The following CLUL1 variants were observed in gnomAD, a reference collection of about 807,000 sequenced individuals.
CLUL1 encodes the protein clusterin-like protein 1.
In CLUL1, 43 loss-of-function variants were observed where a neutral mutation model predicts 49.4. The observed-to-expected ratio is 0.87, with a 90% CI of 0.68 to 1.12. The LOEUF (loss-of-function observed/expected upper bound fraction) is 1.12, where lower values mean the gene tolerates loss of function less well. Among genes scored for constraint, CLUL1 ranks in the 50% most tolerant of loss-of-function variants. The probability of loss-of-function intolerance (pLI) is 0.00; values close to 1 mark genes in which losing one functional copy is unlikely to be tolerated. For synonymous variants in CLUL1, 192 were observed against 184.9 expected (o/e 1.04, Z -0.31); for missense variants, 486 against 544.4 (o/e 0.89, Z 1.07).
At chr18:635,798 G>A (rs1369487283) in intron 7 of CLUL1, among the ~76,000 whole-genome samples, 2 of 152,056 alleles carry the variant, frequency 1.3e-5, no homozygotes, top group African/African-American at 4.8e-5. Flanking sequence ...GTGCAGTGGC[G>A]CGATCTTCGC....
intron 2 of CLUL1, chr18:616,559 C>T: frequency 6.0e-6 from 1 of 165,368 alleles, no homozygotes; most frequent in Non-Finnish European, 1.2e-5. Context: ...ACAGCCTGCC[C>T]TCTAGTGTTT....
chr18:633,820 TGTAATCGGAATGAATCAGGGC>T (rs2074060503), intron 7 of CLUL1, among the ~76,000 whole-genome samples: 1 of 31,472 alleles, frequency 3.2e-5, no homozygotes, highest in Non-Finnish European at 7.9e-5. Flanking sequence ...GGGCGGAGCG[TGTAATCGGAATGAATCAGGGC>T]GGAGCGTGTA....
intron 6 of CLUL1, among the ~76,000 whole-genome samples, chr18:629,618 C>A (rs952389816): frequency 5.9e-5 from 9 of 152,216 alleles, no homozygotes; most frequent in African/African-American, 2.2e-4. Flanking sequence ...CACACGCACC[C>A]TCCCCAGCCC....
chr18:604,385 A>G (rs1249438464), intron 1 of CLUL1, among the ~76,000 whole-genome samples: 1 of 152,240 alleles, frequency 6.6e-6, no homozygotes, highest in Non-Finnish European at 1.5e-5. Context: ...TTCATATACA[A>G]TGGATACTTT....
intron 9 of CLUL1, among the ~76,000 whole-genome samples, chr18:646,821 C>T (rs894371996): frequency 2.6e-5 from 4 of 151,444 alleles, no homozygotes; most frequent in Admixed American, 2.0e-4. Flanking sequence ...ACGATCTCGG[C>T]TCACTGCAAC....
intron 6 of CLUL1, among the ~76,000 whole-genome samples, chr18:631,017 C>A (rs867196929): frequency 5.9e-5 from 9 of 152,034 alleles, no homozygotes; most frequent in African/African-American, 2.2e-4. Flanking sequence ...TAGTAACTGA[C>A]CAACATTTAC....
At chr18:646,397 A>G (rs2074508471) in intron 9 of CLUL1, among the ~76,000 whole-genome samples, 1 of 150,872 alleles carries the variant, frequency 6.6e-6, no homozygotes, top group Non-Finnish European at 1.5e-5. Flanking sequence ...TACTAAGTTT[A>G]GATACGGGAA....
At chr18:647,122 A>T (rs949900212) in intron 9 of CLUL1, among the ~76,000 whole-genome samples, 12 of 152,204 alleles carry the variant, frequency 7.9e-5, no homozygotes, top group African/African-American at 2.9e-4. Context: ...GCAGAATCAA[A>T]GTGTATAGGT....
At chr18:627,576 A>G (rs2073847863) in intron 6 of CLUL1, 47 bp downstream of exon 6, 1 of 1,381,580 alleles carries the variant, frequency 7.2e-7, no homozygotes, top group African/African-American at 1.4e-5. Flanking sequence ...CACTAAAGTC[A>G]AGTTTTGTTT....
intron 2 of CLUL1, 146 bp from the exon 3 acceptor site, chr18:617,842 G>A (rs539935482): frequency 1.4e-5 from 9 of 642,374 alleles, no homozygotes; most frequent in Non-Finnish European, 2.2e-5. Context: ...GCTTCCTTAT[G>A]TCTCAGGCAC....
chr18:626,809 C>T (rs535080065), intron 5 of CLUL1, among the ~76,000 whole-genome samples: 7 of 144,618 alleles, frequency 4.8e-5, no homozygotes, highest in East Asian at 4.0e-4. Context: ...TGCAGTGAGC[C>T]GAGATGGTGC....
At chr18:644,874 T>A in intron 8 of CLUL1, 36 bp from the exon 9 acceptor site, 1 of 1,510,396 alleles carries the variant, frequency 6.6e-7, no homozygotes. Context: ...GTATTGGGAT[T>A]TAGTAAACTT....
chr18:600,326 C>T (rs569666194), intron 1 of CLUL1, among the ~76,000 whole-genome samples: 1 of 152,280 alleles, frequency 6.6e-6, no homozygotes, highest in South Asian at 2.1e-4. Flanking sequence ...GTTTATCTGG[C>T]TCAAGACCAG....
At chr18:636,719 A>G (rs1409197536) in intron 7 of CLUL1, among the ~76,000 whole-genome samples, 1 of 140,048 alleles carries the variant, frequency 7.1e-6, no homozygotes, top group Non-Finnish European at 1.5e-5. Context: ...TCCACTTCCC[A>G]GGTTCAAGTG....
intron 6 of CLUL1, among the ~76,000 whole-genome samples, chr18:628,711 A>G (rs887753002): frequency 9.4e-5 from 13 of 138,806 alleles, no homozygotes; most frequent in Admixed American, 4.5e-4. Context: ...GGCTCACTGC[A>G]ACCTCTGCCT....
Position 618,036 on chromosome 18 carries a change from G to T in CLUL1, c.36G>T (p.Leu12=). The change falls in exon 3 of 10, where the codon CTG becomes CTT. Residue 12 remains leucine (L), a synonymous_variant. Coordinates refer to ENST00000692774, the MANE Select transcript of CLUL1 (RefSeq NM_001393344.1). The surrounding 1 kb of genome is among the most constrained non-coding windows in gnomAD (Gnocchi z 4.2). Reference sequence around the variant, plus strand: ...CACTCTTGGTGTTTATTGTGTGTCTGCTGTGGTTGAAAGACAGTCACTGCG... The same window carrying T: ...CACTCTTGGTGTTTATTGTGTGTCTTCTGTGGTTGAAAGACAGTCACTGCG... ...KPPLLVFIVC[L]LWLKDSHCAP... The T allele has an allele frequency of 6.2e-7, 1 of 1,614,170 alleles. No homozygotes were observed. The highest frequency in any genetic ancestry group is 8.5e-7 in the Non-Finnish European group (1 of 1,180,020).
At position 618,045 on chromosome 18, in the gene CLUL1, G is replaced by A. The variant is rs1374494053; in HGVS notation, c.45G>A (p.Leu15=). The change falls in exon 3 of 10, where the codon TTG becomes TTA. Residue 15 remains leucine, a synonymous_variant. Coordinates refer to ENST00000692774, the MANE Select transcript of CLUL1 (RefSeq NM_001393344.1). The surrounding 1 kb of genome is among the most constrained non-coding windows in gnomAD (Gnocchi z 4.2). ...TGTTTATTGTGTGTCTGCTGTGGTTGAAAGACAGTCACTGCGCACCCACTT... is the reference window on the plus strand; with the variant it reads ...TGTTTATTGTGTGTCTGCTGTGGTTAAAAGACAGTCACTGCGCACCCACTT... ...LLVFIVCLLW[L]KDSHCAPTWK... is the part of the protein sequence containing the mutation. 1.2e-6 allele frequency: 2 copies of A among 1,614,178 alleles called. No individual in the cohort carries two copies. The highest frequency in any genetic ancestry group is 3.3e-5 in the Admixed American group (2 of 60,026).
rs754815472 is a variant in CLUL1 at position 617,983 on chromosome 18, T to A, written c.-13-5T>A. 4 of 1,612,484 alleles carry A rather than the reference T, an allele frequency of 2.5e-6. No homozygotes were observed. The highest frequency in any genetic ancestry group is 3.4e-6 in the Non-Finnish European group (4 of 1,178,992). On this transcript the variant is annotated splice_region_variant and splice_polypyrimidine_tract_variant and intron_variant, in intron 2 of 9. Transcript: ENST00000692774. ...ATTTGATGCGGGTTTATTTTTCCTT[T>A]GCAGTAACAGCGGGAACATGAAGCC... is the stretch of plus-strand genomic sequence containing the variant.
intron 7 of CLUL1, among the ~76,000 whole-genome samples, chr18:635,305 T>G (rs2074105334): frequency 6.6e-6 from 1 of 152,090 alleles, no homozygotes; most frequent in Non-Finnish European, 1.5e-5. Flanking sequence ...CTAGACCCTT[T>G]GCATGCACAG....
Sources: gnomAD v4.1 joint callset for allele counts (sites outside exome capture counted in the v4.1 genomes callset) on GRCh38, gnomAD v4.1.1 for gene constraint, Gnocchi (gnomAD v3.1) non-coding constraint, MANE v1.5 for transcripts, NCBI Gene and HGNC (gene_info 2026-07-23, HGNC 2026-07-21) for gene names.